The following CORO2A variants were observed in gnomAD, a reference collection of about 807,000 sequenced individuals.
The protein encoded by CORO2A is coronin-2A.
CORO2A carries 47 observed loss-of-function variants against 62.4 expected under a neutral mutation model. The observed-to-expected ratio is 0.75, with a 90% CI of 0.60 to 0.96. The LOEUF (loss-of-function observed/expected upper bound fraction) is 0.96. Among genes scored for constraint, CORO2A ranks in the 40% least tolerant of loss-of-function variants. The probability of loss-of-function intolerance (pLI) is 0.00; values close to 1 mark genes in which losing one functional copy is unlikely to be tolerated. For missense variants in CORO2A, 610 were observed against 684.1 expected (o/e 0.89, Z 1.21); for synonymous variants, 273 against 268.9 (o/e 1.02, Z -0.15).
chr9:98,166,273 C>T (rs750468185), intron 1 of CORO2A, among the ~76,000 whole-genome samples: 2 of 152,006 alleles, frequency 1.3e-5, no homozygotes, highest in African/African-American at 4.8e-5. Context: ...TAGAAGAAAA[C>T]GAAGAGCAAA....
intron 1 of CORO2A, among the ~76,000 whole-genome samples, chr9:98,166,739 T>C (rs143494231): frequency 7.2e-5 from 11 of 152,314 alleles, no homozygotes; most frequent in African/African-American, 2.6e-4. Flanking sequence ...AGCAGCATTA[T>C]TCCCAATAGC....
chr9:98,128,882 T>C (rs554897163), intron 8 of CORO2A, among the ~76,000 whole-genome samples, 163 bp from the exon 9 acceptor site: 4 of 152,312 alleles, frequency 2.6e-5, no homozygotes, highest in African/African-American at 7.2e-5. Context: ...TGTTGGGAAA[T>C]GGAGTTGAAT....
At chr9:98,136,480 T>C (rs368248631) in intron 3 of CORO2A, among the ~76,000 whole-genome samples, 1 of 152,286 alleles carries the variant, frequency 6.6e-6, no homozygotes, top group East Asian at 1.9e-4. Context: ...GGCTGCCAGG[T>C]AGCTCTTAGC....
intron 2 of CORO2A, among the ~76,000 whole-genome samples, chr9:98,153,319 T>C (rs1292666079): frequency 6.6e-6 from 1 of 152,074 alleles, no homozygotes; most frequent in Admixed American, 6.6e-5. Flanking sequence ...CAGGCTGATG[T>C]CGAACTCCTG....
chr9:98,138,220 G>C (rs1407402859), intron 2 of CORO2A, among the ~76,000 whole-genome samples: 1 of 151,970 alleles, frequency 6.6e-6, no homozygotes, highest in South Asian at 2.1e-4. Flanking sequence ...TTCGAGACCA[G>C]CCTGGCCAAC....
intron 7 of CORO2A, 95 bp downstream of exon 7, chr9:98,130,860 G>T: frequency 1.0e-6 from 1 of 1,000,618 alleles, no homozygotes; most frequent in Non-Finnish European, 1.5e-6. Flanking sequence ...AGCGAGGCCT[G>T]CCCATCCCTG....
chr9:98,163,749 A>T (rs1393182887), intron 1 of CORO2A, among the ~76,000 whole-genome samples: 38 of 139,292 alleles, frequency 2.7e-4, no homozygotes, highest in African/African-American at 4.1e-4. Context: ...TGTGAGAGAG[A>T]GAGAGAGAGA....
rs145956518 is a variant in CORO2A, at chr9:98,154,821, A to G, written c.201+2639T>C. Among the ~76,000 whole-genome samples the G allele has an allele frequency of 1.6e-3, 244 of 152,314 alleles. 1 individual carries two copies. Among genetic ancestry groups the G allele is most frequent in the African/African-American group, 5.6e-3 (233 of 41,576 alleles). On this transcript the variant is annotated intron_variant, in intron 2 of 11. Coordinates refer to ENST00000375077, the MANE Select transcript of CORO2A (RefSeq NM_052820.4). ...GTACATTCACTTGTATGGATATGCC[A>G]TAATTTATTTATGAAGTTCTTGGAC...
At chr9:98,155,473 A>C (rs1460591777) in intron 2 of CORO2A, among the ~76,000 whole-genome samples, 2 of 150,512 alleles carry the variant, frequency 1.3e-5, no homozygotes, top group African/African-American at 4.9e-5. Flanking sequence ...CAGCCTCCCG[A>C]GTAGCTGGGA....
chr9:98,135,025 C>T, intron 3 of CORO2A, 70 bp from the exon 4 acceptor site: 2 of 1,566,188 alleles, frequency 1.3e-6, no homozygotes, highest in Non-Finnish European at 8.7e-7. Context: ...GCCTAAGCCA[C>T]AGATCTGGCA....
At chr9:98,188,719 G>A (rs1490571006) in intron 1 of CORO2A, among the ~76,000 whole-genome samples, 1 of 152,026 alleles carries the variant, frequency 6.6e-6, no homozygotes, top group Non-Finnish European at 1.5e-5. Context: ...GCCGTGAGCC[G>A]GGATCATGCC....
intron 2 of CORO2A, among the ~76,000 whole-genome samples, chr9:98,150,494 C>T (rs983111446): frequency 3.3e-5 from 5 of 152,174 alleles, no homozygotes; most frequent in East Asian, 1.9e-4. Flanking sequence ...AAGTGGCTCT[C>T]GGCTCAAAGA....
At chr9:98,156,525 T>TAAACA (rs1827804585) in intron 2 of CORO2A, among the ~76,000 whole-genome samples, 1 of 152,266 alleles carries the variant, frequency 6.6e-6, no homozygotes, top group Admixed American at 6.5e-5. Context: ...TTATGGCCTA[T>TAAACA]AAATTATTTA....
At chr9:98,169,869 C>A (rs570245541) in intron 1 of CORO2A, among the ~76,000 whole-genome samples, 1 of 152,222 alleles carries the variant, frequency 6.6e-6, no homozygotes, top group African/African-American at 2.4e-5. Flanking sequence ...TTCCTGTCAC[C>A]CCACCTTCCT....
At chr9:98,135,050 G>C in intron 3 of CORO2A, 95 bp from the exon 4 acceptor site, 1 of 1,492,036 alleles carries the variant, frequency 6.7e-7, no homozygotes, top group Non-Finnish European at 9.0e-7. Context: ...CCAGCAGAAG[G>C]ACCAAGGGAG....
chr9:98,168,823 TGA>T (rs1357400401), intron 1 of CORO2A, among the ~76,000 whole-genome samples: 1 of 152,206 alleles, frequency 6.6e-6, no homozygotes, highest in Non-Finnish European at 1.5e-5. Flanking sequence ...AAGTGGCTCG[TGA>T]GAGTTCCAAC....
intron 5 of CORO2A, 110 bp downstream of exon 5, chr9:98,132,928 C>A: frequency 1.6e-6 from 2 of 1,253,388 alleles, no homozygotes; most frequent in South Asian, 2.8e-5. Context: ...CCTGTGAAGG[C>A]GCAGCCCAGA....
intron 1 of CORO2A, among the ~76,000 whole-genome samples, chr9:98,167,974 T>C (rs887947845): frequency 6.6e-6 from 1 of 152,176 alleles, no homozygotes; most frequent in Non-Finnish European, 1.5e-5. Context: ...ATTTCCATTG[T>C]AAAAGATTTA....
intron 2 of CORO2A, among the ~76,000 whole-genome samples, chr9:98,150,124 G>T (rs557992183): frequency 2.0e-5 from 3 of 151,964 alleles, no homozygotes; most frequent in Non-Finnish European, 2.9e-5. Context: ...GTAGAGACAG[G>T]GTTTCACCAT....
Sources: allele counts gnomAD v4.1 joint callset (sites outside exome capture counted in the v4.1 genomes callset), GRCh38; gene constraint gnomAD v4.1.1; transcripts MANE v1.5; gene names NCBI Gene and HGNC (gene_info 2026-07-23, HGNC 2026-07-21).